MCTP1: variants seen among roughly 807,000 people sequenced by gnomAD.
The protein encoded by MCTP1 is multiple C2 and transmembrane domain containing 1.
In MCTP1, 69 loss-of-function variants were observed where a neutral mutation model predicts 120.6. The ratio of observed to expected loss-of-function variants is 0.57; its 90% CI spans 0.47 to 0.70. The LOEUF (loss-of-function observed/expected upper bound fraction) is 0.70. Among genes scored for constraint, MCTP1 ranks in the 30% least tolerant of loss-of-function variants. MCTP1 has a pLI of 0.00. For missense variants in MCTP1, 1,203 were observed against 1,248.8 expected (o/e 0.96, Z 0.55); for synonymous variants, 529 against 493.1 (o/e 1.07, Z -0.96).
chr5:94,838,628 A>C (rs900944953), intron 17 of MCTP1, among the ~76,000 whole-genome samples: 2 of 152,216 alleles, frequency 1.3e-5, no homozygotes, highest in Non-Finnish European at 2.9e-5. Flanking sequence ...ACCCATTTGA[A>C]CTTGAAATTC....
chr5:94,929,675 G>A (rs1814056857), intron 6 of MCTP1: 1 of 985,064 alleles, frequency 1.0e-6, no homozygotes, highest in Non-Finnish European at 1.2e-6. Flanking sequence ...AAGATTCAGG[G>A]AGCAGTTTCA....
rs556663513 is a variant in MCTP1 at position 95,061,408 on chromosome 5, G to GTTTTTTTTTTTT, written c.721-43936_721-43925dup. On this transcript the variant is annotated intron_variant, in intron 1 of 22. Coordinates refer to ENST00000515393, the MANE Select transcript of MCTP1 (RefSeq NM_024717.7). ...ATCAATTTTCACAAACCCCTTAAGGGTTTTTTTTTTTTTTTTTTTTTTTTT... is the reference window on the plus strand; with the variant it reads ...ATCAATTTTCACAAACCCCTTAAGGGTTTTTTTTTTTTTTTTTTTTTTTTTTTTTTTTTTTTT... Among the ~76,000 whole-genome samples the GTTTTTTTTTTTT allele has an allele frequency of 1.5e-4, 5 of 33,488 alleles. 1 individual carries two copies. The highest frequency in any genetic ancestry group is 4.9e-4 in the African/African-American group (5 of 10,190). 22.0% of individuals were successfully genotyped at this position (33,488 alleles called of 152,430 possible). A position where few individuals can be genotyped will look rare whatever the true frequency, so the allele number is the denominator to read the frequency against.
chr5:94,868,571 A>G, intron 16 of MCTP1, 119 bp from the exon 17 acceptor site: 1 of 647,356 alleles, frequency 1.5e-6, no homozygotes, highest in Non-Finnish European at 2.3e-6. Context: ...TAAAGTTACA[A>G]GAAAATACCA....
intron 19 of MCTP1, among the ~76,000 whole-genome samples, chr5:94,718,222 T>C (rs1470520535): frequency 6.6e-6 from 1 of 152,106 alleles, no homozygotes; most frequent in Non-Finnish European, 1.5e-5. Context: ...TCTACAACCA[T>C]CTGATCTTTG....
At chr5:95,122,724 T>C (rs1758334411) in intron 1 of MCTP1, among the ~76,000 whole-genome samples, 1 of 152,192 alleles carries the variant, frequency 6.6e-6, no homozygotes, top group South Asian at 2.1e-4. Flanking sequence ...TTATTCACAA[T>C]AGCCAAGATT....
chr5:94,974,860 A>G (rs573215956), intron 2 of MCTP1, among the ~76,000 whole-genome samples: 1 of 152,300 alleles, frequency 6.6e-6, no homozygotes, highest in African/African-American at 2.4e-5. Flanking sequence ...ATTTCAAGCA[A>G]TTATATTACA....
At chr5:94,841,740 T>C (rs1479907502) in intron 17 of MCTP1, among the ~76,000 whole-genome samples, 2 of 152,166 alleles carry the variant, frequency 1.3e-5, no homozygotes, top group African/African-American at 4.8e-5. Flanking sequence ...GGAATCCAAC[T>C]AGATTCCCAG....
chr5:94,762,957 A>G (rs538457320), intron 19 of MCTP1, among the ~76,000 whole-genome samples: 3 of 152,220 alleles, frequency 2.0e-5, no homozygotes, highest in Non-Finnish European at 4.4e-5. Context: ...TGAAATATGT[A>G]AAGTGCTACA....
chr5:95,245,798 G>C (rs1038904310), intron 1 of MCTP1, among the ~76,000 whole-genome samples: 1 of 152,094 alleles, frequency 6.6e-6, no homozygotes, highest in Admixed American at 6.5e-5. Flanking sequence ...TAGCAAGGCA[G>C]GCCAACATTC....
Position 95,138,934 on chromosome 5 carries a change from T to C in MCTP1, c.721-121450A>G, listed in dbSNP as rs557602099. The stretch of plus-strand genomic sequence containing the variant: ...TGTGTCGAATTTGTCACAGTCTTCA[T>C]TTAGATCTGTTTCTCTATCTGTATA... On this transcript the variant is annotated intron_variant, in intron 1 of 22. Coordinates refer to ENST00000515393, the MANE Select transcript of MCTP1 (RefSeq NM_024717.7). Among the ~76,000 whole-genome samples, 3 of 152,328 alleles carry C rather than the reference T, an allele frequency of 2.0e-5. No homozygotes were observed. In the South Asian group the frequency reaches 6.2e-4, roughly 32 times the overall value.
intron 6 of MCTP1, among the ~76,000 whole-genome samples, chr5:94,928,536 C>A (rs1312652939): frequency 6.6e-6 from 1 of 152,016 alleles, no homozygotes; most frequent in Non-Finnish European, 1.5e-5. Context: ...TTCTGTTGCC[C>A]AAGTTTAAGG....
intron 19 of MCTP1, among the ~76,000 whole-genome samples, chr5:94,755,652 C>T (rs1257371128): frequency 1.3e-5 from 2 of 152,176 alleles, no homozygotes; most frequent in African/African-American, 4.8e-5. Flanking sequence ...GCTTGGGACC[C>T]TTCGGATTCC....
intron 2 of MCTP1, among the ~76,000 whole-genome samples, chr5:94,976,291 A>G (rs1047075024): frequency 3.3e-5 from 5 of 152,092 alleles, no homozygotes; most frequent in African/African-American, 1.2e-4. Context: ...TCTCTACTAA[A>G]AATACAAAAA....
chr5:95,032,239 G>T (rs1284564856), intron 1 of MCTP1, among the ~76,000 whole-genome samples: 1 of 151,896 alleles, frequency 6.6e-6, no homozygotes, highest in African/African-American at 2.4e-5. Flanking sequence ...TGACCAAATG[G>T]ACCTACCAGA....
At chr5:94,995,620 C>A (rs1409162254) in intron 2 of MCTP1, among the ~76,000 whole-genome samples, 1 of 152,244 alleles carries the variant, frequency 6.6e-6, no homozygotes, top group East Asian at 1.9e-4. Flanking sequence ...AAAGAGTTAT[C>A]CCTAAACAAT....
chr5:94,955,777 T>C (rs1000119665), intron 2 of MCTP1, among the ~76,000 whole-genome samples: 2 of 152,170 alleles, frequency 1.3e-5, no homozygotes, highest in African/African-American at 2.4e-5. Context: ...CAGGAGTTTA[T>C]AGATAAAACT....
At chr5:94,970,683 A>AT (rs1826625779) in intron 2 of MCTP1, among the ~76,000 whole-genome samples, 1 of 151,976 alleles carries the variant, frequency 6.6e-6, no homozygotes, top group Non-Finnish European at 1.5e-5. Context: ...AAAGGAAACT[A>AT]TTTTTCCTGA....
At chr5:95,215,554 A>C (rs1306315579) in intron 1 of MCTP1, among the ~76,000 whole-genome samples, 1 of 152,186 alleles carries the variant, frequency 6.6e-6, no homozygotes, top group Non-Finnish European at 1.5e-5. Context: ...GAGCAAACTC[A>C]GCTTTATTTT....
intron 19 of MCTP1, among the ~76,000 whole-genome samples, chr5:94,716,911 A>G (rs959266771): frequency 1.4e-4 from 22 of 152,216 alleles, no homozygotes; most frequent in African/African-American, 5.1e-4. Flanking sequence ...AGAAATCATG[A>G]GAAGGCATTC....
Sources: allele counts gnomAD v4.1 joint callset (sites outside exome capture counted in the v4.1 genomes callset), GRCh38; gene constraint gnomAD v4.1.1; transcripts MANE v1.5; gene names NCBI Gene and HGNC (gene_info 2026-07-23, HGNC 2026-07-21).